MLLT10: variants seen among roughly 807,000 people sequenced by gnomAD.
MLLT10 encodes protein AF-10.
Under a neutral mutation model 129.1 loss-of-function variants are expected in MLLT10, and 30 were observed. The observed-to-expected ratio is 0.23, with a 90% confidence interval of 0.17 to 0.32. The LOEUF (loss-of-function observed/expected upper bound fraction) is 0.32. Ranked by LOEUF, MLLT10 falls within the 10% of genes least tolerant of loss-of-function variation. The pLI, the probability that MLLT10 is intolerant of heterozygous loss-of-function variation, is 1.00. For synonymous variants in MLLT10, 490 were observed against 446.4 expected (o/e 1.10, Z -1.23); for missense variants, 1,119 against 1,268.3 (o/e 0.88, Z 1.79).
At chr10:21,737,478 T>C (rs562009704) in intron 21 of MLLT10, among the ~76,000 whole-genome samples, 43 of 152,116 alleles carry the variant, frequency 2.8e-4, no homozygotes, top group Non-Finnish European at 5.3e-4. Flanking sequence ...GAGGAGGAGA[T>C]GAGAACGGTA....
At chr10:21,714,214 G>A (rs1236238419) in intron 14 of MLLT10, among the ~76,000 whole-genome samples, 1 of 151,914 alleles carries the variant, frequency 6.6e-6, no homozygotes, top group African/African-American at 2.4e-5. Flanking sequence ...ATACTTTCAG[G>A]GGAGCTTTTA....
chr10:21,626,277 C>G, intron 8 of MLLT10: 1 of 1,432,128 alleles, frequency 7.0e-7, no homozygotes, highest in Non-Finnish European at 9.8e-7. Flanking sequence ...TCGATACAAG[C>G]TATCAATCCA....
intron 4 of MLLT10, among the ~76,000 whole-genome samples, chr10:21,594,174 C>T (rs1314559666): frequency 6.6e-6 from 1 of 151,888 alleles, no homozygotes; most frequent in African/African-American, 2.4e-5. Context: ...GCATCTGAAA[C>T]GAGAGGGGTT....
intron 3 of MLLT10, among the ~76,000 whole-genome samples, chr10:21,549,045 G>A (rs2130938140): frequency 6.6e-6 from 1 of 151,202 alleles, no homozygotes; most frequent in Admixed American, 6.6e-5. Flanking sequence ...TGGGGTTTTT[G>A]CCTTTGCTCT....
intron 9 of MLLT10, chr10:21,668,835 A>G (rs2051106756): frequency 9.5e-7 from 1 of 1,048,132 alleles, no homozygotes. Flanking sequence ...TTTTCTCTCC[A>G]TTCTTTATTT....
At chr10:21,564,788 C>T (rs2039333874) in intron 3 of MLLT10, among the ~76,000 whole-genome samples, 1 of 148,924 alleles carries the variant, frequency 6.7e-6, no homozygotes, top group Non-Finnish European at 1.5e-5. Context: ...CGCACCATTG[C>T]ACTCTAGCCT....
At chr10:21,622,153 C>CTTTTTTTTTTTTTTTTTTTTTTTTTCT (rs71393915) in intron 8 of MLLT10, among the ~76,000 whole-genome samples, 1 of 99,816 alleles carries the variant, frequency 1.0e-5, no homozygotes, top group African/African-American at 4.1e-5. Flanking sequence ...TTTGTTTTTC[C>CTTTTTTTTTTTTTTTTTTTTTTTTTCT]TTTTTTTTTT....
chr10:21,579,437 C>G (rs2041137682), intron 3 of MLLT10, among the ~76,000 whole-genome samples: 1 of 150,472 alleles, frequency 6.6e-6, no homozygotes, highest in Non-Finnish European at 1.5e-5. Flanking sequence ...TATTCTTTCT[C>G]TCTTCTTCTT....
chr10:21,727,047 T>C (rs1352196489), intron 15 of MLLT10, among the ~76,000 whole-genome samples: 2 of 152,200 alleles, frequency 1.3e-5, no homozygotes, highest in East Asian at 3.9e-4. Context: ...TTGGTTGACA[T>C]GTCCAAGTAG....
chr10:21,682,284 T>TTTA, intron 13 of MLLT10, 27 bp downstream of exon 13: 1 of 1,601,220 alleles, frequency 6.2e-7, no homozygotes, highest in Non-Finnish European at 8.5e-7. Flanking sequence ...TCTTCTCTAG[T>TTTA]GGTTCGTTTA....
rs527517088 is a variant in MLLT10 at position 21,733,816 on chromosome 10, A to G, written c.2545A>G (p.Thr849Ala). ...TACCAGCAGCTCATCAGCTCTTTCT[A>G]CCCCACCTCCTGCTGGGCAGAGTCC... ...QSTSSSSALS[T>A]PPPAGQSPAQ... Residue 849 changes from threonine to alanine, a missense_variant, in exon 20 of 23, where the codon ACC becomes GCC. Around this residue, in one of 5 missense-constraint regions of MLLT10, gnomAD observed 1,004 missense variants for 1,008.7 expected, o/e 1.00. Transcript: ENST00000307729. 3.1e-6 allele frequency: 5 copies of G among 1,613,876 alleles called. No individual in the cohort carries two copies. The highest frequency in any genetic ancestry group is 1.3e-5 in the African/African-American group (1 of 74,974).
At position 21,534,363 on chromosome 10, in the gene MLLT10, C is replaced by G. The variant is rs554451902; in HGVS notation, c.-158C>G. On this transcript the variant is annotated 5_prime_UTR_variant, in exon 1 of 23. Coordinates refer to ENST00000307729, the MANE Select transcript of MLLT10 (RefSeq NM_001195626.3). The stretch of plus-strand genomic sequence containing the variant: ...GCCCTCTTGATTATGTGTGCCCTCT[C>G]CGGGCGCCCGCGTTAGCGGCCGGGT... 2 of 431,316 alleles carry G rather than the reference C, an allele frequency of 4.6e-6. No homozygotes were observed. Among genetic ancestry groups the G allele is most frequent in the African/African-American group, 4.1e-5 (2 of 49,052 alleles). The allele number at this position is 431,316 out of a possible 1,614,324, so 26.7% of individuals were successfully genotyped here.
intron 13 of MLLT10, among the ~76,000 whole-genome samples, 182 bp from the exon 14 acceptor site, chr10:21,713,590 A>G (rs2056300235): frequency 6.6e-6 from 1 of 152,228 alleles, no homozygotes; most frequent in African/African-American, 2.4e-5. Flanking sequence ...TCTTTTAGAC[A>G]ACTGCTTCAT....
chr10:21,733,647 T>C, intron 19 of MLLT10, 55 bp downstream of exon 19: 1 of 1,455,274 alleles, frequency 6.9e-7, no homozygotes, highest in Non-Finnish European at 9.2e-7. Flanking sequence ...AATAATAGTA[T>C]ATTAAATGGT....
At chr10:21,595,601 A>C in intron 5 of MLLT10, 161 bp downstream of exon 5, 2 of 555,518 alleles carry the variant, frequency 3.6e-6, no homozygotes, top group Non-Finnish European at 6.3e-6. Flanking sequence ...TTAATATGTT[A>C]CTAAGGTCAC....
chr10:21,629,681 A>AG (rs2046823340), intron 8 of MLLT10, among the ~76,000 whole-genome samples: 1 of 152,190 alleles, frequency 6.6e-6, no homozygotes, highest in South Asian at 2.1e-4. Context: ...TAGAAGGATA[A>AG]ATGTTATGTT....
intron 3 of MLLT10, among the ~76,000 whole-genome samples, chr10:21,567,183 T>C (rs2039681536): frequency 6.6e-6 from 1 of 152,256 alleles, no homozygotes; most frequent in Non-Finnish European, 1.5e-5. Flanking sequence ...CATGAGACTA[T>C]GCACTTACTT....
intron 14 of MLLT10, among the ~76,000 whole-genome samples, chr10:21,723,179 C>T (rs1249220834): frequency 6.6e-6 from 1 of 151,912 alleles, no homozygotes; most frequent in Non-Finnish European, 1.5e-5. Context: ...TTTTGATGAT[C>T]ATCATTATGC....
rs866618191 is a variant in MLLT10, at chr10:21,729,045, T to G, written c.2063+1117T>G. ...ACATCTAGTGATGCCTTTTTTTCTG[T>G]ATAATTCCTGGGTGAACTAAAAGTA... is the stretch of plus-strand genomic sequence containing the variant. On this transcript the variant is annotated intron_variant, in intron 16 of 22. Coordinates refer to ENST00000307729, the MANE Select transcript of MLLT10 (RefSeq NM_001195626.3). Among the ~76,000 whole-genome samples the G allele has an allele frequency of 3.9e-5, 6 of 152,038 alleles. No individual in the cohort carries two copies. The South Asian group carries it at 1.2e-3, about 32-fold the overall frequency.
Sources: gnomAD v4.1 joint callset for allele counts (sites outside exome capture counted in the v4.1 genomes callset) on GRCh38, gnomAD v4.1.1 for gene constraint, gnomAD v4.1.1 regional missense constraint, MANE v1.5 for transcripts, NCBI Gene and HGNC (gene_info 2026-07-23, HGNC 2026-07-21) for gene names.